ATRNL1: variants seen among roughly 807,000 people sequenced by gnomAD.
The protein encoded by ATRNL1 is attractin like 1.
Under a neutral mutation model 182.7 loss-of-function variants are expected in ATRNL1, and 95 were observed. The ratio of observed to expected loss-of-function variants is 0.52; its 90% CI spans 0.44 to 0.62. The LOEUF is 0.62. ATRNL1 is among the 20% of genes least tolerant of loss of function. The pLI is 0.00. For synonymous variants in ATRNL1, 576 were observed against 568.3 expected, an observed-to-expected ratio of 1.01 and a Z score of -0.19; for missense variants, 1,471 against 1,679.5, an observed-to-expected ratio of 0.88 and a Z score of 2.17.
intron 26 of ATRNL1, among the ~76,000 whole-genome samples, chr10:115,569,776 CTT>C (rs10581276): frequency 0.39 from 58,565 of 149,968 alleles, 12,193 homozygotes; most frequent in Middle Eastern, 0.49. Context: ...TCTTTAAATA[CTT>C]TTTTTTTTTT....
rs567617879 is a variant in ATRNL1, at chr10:115,153,149, A to G, written c.830-6891A>G. The stretch of plus-strand genomic sequence containing the variant: ...TTTTATTGAGGATTTTTGCATTGAT[A>G]TTCATCAGAGATATTGGTCTAAAAT... On this transcript the variant is annotated intron_variant, in intron 5 of 28. Transcript: ENST00000355044. Among the ~76,000 whole-genome samples the G allele has an allele frequency of 8.6e-3, 1,304 of 151,254 alleles. 9 individuals carry two copies. The highest frequency in any genetic ancestry group is 0.011 in the Non-Finnish European group (765 of 67,988).
intron 21 of ATRNL1, among the ~76,000 whole-genome samples, chr10:115,426,794 A>G (rs1296640146): frequency 6.6e-6 from 1 of 152,122 alleles, no homozygotes; most frequent in African/African-American, 2.4e-5. Flanking sequence ...GCACAATCTC[A>G]GTTCACTGCA....
chr10:115,299,234 G>A (rs1212752256), intron 15 of ATRNL1, among the ~76,000 whole-genome samples: 3 of 151,530 alleles, frequency 2.0e-5, no homozygotes, highest in Non-Finnish European at 4.4e-5. Flanking sequence ...TAGTAACTTG[G>A]ATCATGAATA....
chr10:115,368,574 T>C lies in ATRNL1; in HGVS notation c.3176-26085T>C, dbSNP rs192454074. On this transcript the variant is annotated intron_variant, in intron 19 of 28. Transcript: ENST00000355044. ...ACATTGTTTTTAGCTACAGTCACCA[T>C]GGCTGTAGATCTCCAGAAATTATTC... 6.3e-3 allele frequency among the ~76,000 whole-genome samples: 950 copies of C among 151,946 alleles called. 1 individual carries two copies. The highest frequency in any genetic ancestry group is 0.011 in the Non-Finnish European group (723 of 68,024).
At chr10:115,286,127 TAAAC>T (rs1265300470) in intron 14 of ATRNL1, 85 bp from the exon 15 acceptor site, 2 of 633,608 alleles carry the variant, frequency 3.2e-6, no homozygotes, top group African/African-American at 3.8e-5. Context: ...AAAAATAATT[TAAAC>T]AAATACAGAA....
At chr10:115,924,814 T>C (rs576446333) in intron 28 of ATRNL1, among the ~76,000 whole-genome samples, 1 of 152,212 alleles carries the variant, frequency 6.6e-6, no homozygotes, top group Non-Finnish European at 1.5e-5. Context: ...TGGAATAGCG[T>C]TGGATCTATA....
At chr10:115,819,107 C>A (rs1375654941) in intron 27 of ATRNL1, among the ~76,000 whole-genome samples, 1 of 152,008 alleles carries the variant, frequency 6.6e-6, no homozygotes, top group Non-Finnish European at 1.5e-5. Context: ...CTTTTTACCC[C>A]ACCTGTTCTC....
At chr10:115,574,144 A>G (rs1854569361) in intron 26 of ATRNL1, among the ~76,000 whole-genome samples, 1 of 151,876 alleles carries the variant, frequency 6.6e-6, no homozygotes, top group Admixed American at 6.6e-5. Context: ...CTGCAGTTTT[A>G]TATGTATAAG....
chr10:115,145,910 C>T (rs1845950689), intron 5 of ATRNL1, among the ~76,000 whole-genome samples: 1 of 152,094 alleles, frequency 6.6e-6, no homozygotes, highest in Non-Finnish European at 1.5e-5. Context: ...TGATTTTTCT[C>T]CTTGAAAAAC....
Position 115,389,540 on chromosome 10 carries a change from GTATATATATATATATATATATATATA to G in ATRNL1, c.3176-5093_3176-5068del, listed in dbSNP as rs58155967. On this transcript the variant is annotated intron_variant, in intron 19 of 28. Transcript: ENST00000355044. ...CTGAATAGTATTCAAATGTGTATGT[GTATATATATATATATATATATATATA>G]TATATATATATATATATATATATAT... Among the ~76,000 whole-genome samples the G allele has an allele frequency of 2.5e-3, 113 of 44,492 alleles. 5 individuals are homozygous for G. The highest frequency in any genetic ancestry group is 4.0e-3 in the Admixed American group (11 of 2,740). The allele number at this position is 44,492 out of a possible 152,430, so 29.2% of individuals were successfully genotyped here. A position where few individuals can be genotyped will look rare whatever the true frequency, so the allele number is the denominator to read the frequency against.
intron 26 of ATRNL1, among the ~76,000 whole-genome samples, chr10:115,568,651 G>T (rs1336114): frequency 0.29 from 43,685 of 151,642 alleles, 7,553 homozygotes; most frequent in East Asian, 0.68. Flanking sequence ...AACAAATGTA[G>T]GTTCTTCTAT....
chr10:115,947,933 C>T lies in ATRNL1; in HGVS notation c.*3154C>T, dbSNP rs1953912152. On this transcript the variant is annotated 3_prime_UTR_variant, in exon 29 of 29. Coordinates refer to ENST00000355044, the MANE Select transcript of ATRNL1 (RefSeq NM_207303.4). ...CTAGATGGTAACACACAGAAAGCTC[C>T]CACAGTGGGACCTTGATGCAGCGTA... The T allele has an allele frequency of 6.6e-6, 1 of 152,170 alleles. No individual in the cohort carries two copies. Among genetic ancestry groups the T allele is most frequent in the Non-Finnish European group, 1.5e-5 (1 of 68,022 alleles). 9.4% of individuals were successfully genotyped at this position (152,170 alleles called of 1,614,324 possible).
intron 14 of ATRNL1, among the ~76,000 whole-genome samples, chr10:115,285,702 G>T (rs1852576511): frequency 6.6e-6 from 1 of 152,014 alleles, no homozygotes; most frequent in African/African-American, 2.4e-5. Context: ...TAAGTGAAAT[G>T]AGACTTCTCT....
chr10:115,568,938 C>T (rs1555002652), intron 26 of ATRNL1, among the ~76,000 whole-genome samples: 2 of 151,526 alleles, frequency 1.3e-5, no homozygotes, highest in African/African-American at 4.8e-5. Flanking sequence ...AACATGTATC[C>T]CTCCTTTATT....
chr10:115,666,295 T>A (rs1320050673), intron 26 of ATRNL1, among the ~76,000 whole-genome samples: 2 of 152,186 alleles, frequency 1.3e-5, no homozygotes, highest in Non-Finnish European at 2.9e-5. Context: ...TGATAAAGTT[T>A]ATATTCAATT....
intron 19 of ATRNL1, among the ~76,000 whole-genome samples, chr10:115,351,080 T>C (rs1425394071): frequency 6.6e-6 from 1 of 152,188 alleles, no homozygotes; most frequent in African/African-American, 2.4e-5. Flanking sequence ...TGCTACTGAA[T>C]TTATATGTCA....
chr10:115,260,005 A>AATTGAAG (rs11279105), intron 10 of ATRNL1, among the ~76,000 whole-genome samples: 5,132 of 152,302 alleles, frequency 0.034, 108 homozygotes, highest in African/African-American at 0.052. Context: ...CTTTTAGTAT[A>AATTGAAG]ATTGAAGATG....
chr10:115,906,086 C>T (rs1555114480), intron 28 of ATRNL1, among the ~76,000 whole-genome samples: 1 of 152,154 alleles, frequency 6.6e-6, no homozygotes, highest in Non-Finnish European at 1.5e-5. Flanking sequence ...GCTTTGATTT[C>T]CAAATTCTAT....
intron 26 of ATRNL1, among the ~76,000 whole-genome samples, chr10:115,598,340 ATTT>A (rs1401188129): frequency 1.0e-4 from 8 of 78,880 alleles, no homozygotes; most frequent in Non-Finnish European, 1.4e-4. Context: ...TACATTATTT[ATTT>A]AAAAAAATTA....
Sources: allele counts gnomAD v4.1 joint callset (sites outside exome capture counted in the v4.1 genomes callset), GRCh38; gene constraint gnomAD v4.1.1; transcripts MANE v1.5; gene names NCBI Gene and HGNC (gene_info 2026-07-23, HGNC 2026-07-21).